CNTN4: variants seen among roughly 807,000 people sequenced by gnomAD.
CNTN4 encodes the protein contactin 4.
Under a neutral mutation model 122.5 loss-of-function variants are expected in CNTN4, and 77 were observed. The ratio of observed to expected loss-of-function variants is 0.63; its 90% CI spans 0.52 to 0.76. The LOEUF (loss-of-function observed/expected upper bound fraction) is 0.76, where lower values mean the gene tolerates loss of function less well. CNTN4 is among the 30% of genes least tolerant of loss of function. CNTN4 has a pLI of 0.00. For missense variants in CNTN4, 1,256 were observed against 1,259.1 expected, an observed-to-expected ratio of 1.00 and a Z score of 0.04; for synonymous variants, 512 against 447.0, an observed-to-expected ratio of 1.15 and a Z score of -1.83.
At chr3:2,807,882 C>T (rs1313751919) in intron 6 of CNTN4, among the ~76,000 whole-genome samples, 2 of 152,084 alleles carry the variant, frequency 1.3e-5, no homozygotes, top group East Asian at 3.9e-4. Context: ...GCAGTTTCCT[C>T]CCAAGCTTCT....
intron 12 of CNTN4, among the ~76,000 whole-genome samples, chr3:2,907,042 C>G (rs567492720): frequency 1.9e-4 from 29 of 152,222 alleles, no homozygotes; most frequent in African/African-American, 5.1e-4. Context: ...CGTAGAGTCT[C>G]TCTTAAGTGA....
intron 4 of CNTN4, among the ~76,000 whole-genome samples, chr3:2,706,743 T>G (rs1490857027): frequency 2.0e-5 from 3 of 152,134 alleles, no homozygotes; most frequent in Admixed American, 6.6e-5. Flanking sequence ...TTTAAAAATT[T>G]TGATAACAAA....
intron 2 of CNTN4, among the ~76,000 whole-genome samples, chr3:2,233,985 G>C (rs2039585394): frequency 1.3e-5 from 2 of 151,980 alleles, no homozygotes; most frequent in African/African-American, 4.8e-5. Context: ...GCTTCTTCAC[G>C]ATTCCAGCAA....
chr3:2,486,881 A>T (rs965186879), intron 3 of CNTN4, among the ~76,000 whole-genome samples: 1 of 152,212 alleles, frequency 6.6e-6, no homozygotes, highest in Non-Finnish European at 1.5e-5. Context: ...GTTTTCTCCA[A>T]ACTGTTTTTT....
At chr3:2,297,518 G>T (rs2042357449) in intron 2 of CNTN4, among the ~76,000 whole-genome samples, 1 of 152,070 alleles carries the variant, frequency 6.6e-6, no homozygotes, top group African/African-American at 2.4e-5. Flanking sequence ...ATATAAAATA[G>T]CAAATCCCAT....
At chr3:2,315,688 G>A (rs79983336) in intron 2 of CNTN4, among the ~76,000 whole-genome samples, 2,351 of 151,858 alleles carry the variant, frequency 0.015, 35 homozygotes, top group Non-Finnish European at 0.021. Flanking sequence ...AAATTTATGC[G>A]TCCTAGAATC....
intron 13 of CNTN4, among the ~76,000 whole-genome samples, chr3:2,967,694 A>G (rs73001354): frequency 0.031 from 4,718 of 152,190 alleles, 116 homozygotes; most frequent in Non-Finnish European, 0.046. Flanking sequence ...ATCATTTTTC[A>G]GAGGAAAAAA....
At chr3:2,576,028 G>T (rs1456247112) in intron 4 of CNTN4, among the ~76,000 whole-genome samples, 1 of 151,624 alleles carries the variant, frequency 6.6e-6, no homozygotes, top group Non-Finnish European at 1.5e-5. Flanking sequence ...GTAGAGACGG[G>T]GTTTCACCAT....
chr3:2,503,464 C>A (rs899226954), intron 3 of CNTN4, among the ~76,000 whole-genome samples: 2 of 152,022 alleles, frequency 1.3e-5, no homozygotes, highest in Non-Finnish European at 2.9e-5. Flanking sequence ...GCTTAGTGTG[C>A]CAGGCGTCTT....
intron 3 of CNTN4, among the ~76,000 whole-genome samples, chr3:2,535,505 A>T (rs1206343542): frequency 2.0e-5 from 3 of 152,044 alleles, no homozygotes; most frequent in Non-Finnish European, 2.9e-5. Context: ...TGAGATTTTC[A>T]TTGACGTCAA....
At chr3:2,212,951 C>G (rs1314674946) in intron 2 of CNTN4, among the ~76,000 whole-genome samples, 1 of 152,128 alleles carries the variant, frequency 6.6e-6, no homozygotes, top group Admixed American at 6.6e-5. Context: ...TCTTTGAGCT[C>G]ATCAGAGCGC....
At position 2,155,186 on chromosome 3, in the gene CNTN4, C is replaced by G. The variant is rs118134814; in HGVS notation, c.-145+54547C>G. Among the ~76,000 whole-genome samples, 4 of 152,236 alleles carry G rather than the reference C, an allele frequency of 2.6e-5. No individual in the cohort carries two copies. In the East Asian group the frequency reaches 5.8e-4, roughly 22 times the overall value. ...TATGTTCAGAAAGCTAATTTTAAAC[C>G]TAATTTTCCCATCTCTGTCTCTCTC... On this transcript the variant is annotated intron_variant, in intron 2 of 24. Transcript: ENST00000418658.
At chr3:2,336,644 C>T (rs991873026) in intron 2 of CNTN4, among the ~76,000 whole-genome samples, 1 of 152,038 alleles carries the variant, frequency 6.6e-6, no homozygotes, top group African/African-American at 2.4e-5. Context: ...TTGTTGAAAC[C>T]ATATGCCAGG....
intron 3 of CNTN4, among the ~76,000 whole-genome samples, chr3:2,559,001 A>G (rs1318906872): frequency 6.6e-6 from 1 of 152,248 alleles, no homozygotes; most frequent in Middle Eastern, 3.2e-3. Flanking sequence ...TCTGAGAACC[A>G]GTTAGTGTTT....
chr3:2,907,219 A>T lies in CNTN4; in HGVS notation c.1207+4214A>T, dbSNP rs1035883526. Among the ~76,000 whole-genome samples the T allele has an allele frequency of 5.9e-5, 9 of 152,340 alleles. 1 individual carries two copies. The highest frequency in any genetic ancestry group is 3.9e-4 in the East Asian group (2 of 5,182). On this transcript the variant is annotated intron_variant, in intron 12 of 24. Coordinates refer to ENST00000418658, the MANE Select transcript of CNTN4 (RefSeq NM_175607.3). The stretch of plus-strand genomic sequence containing the variant: ...ACTAAATTGTCATTACCTATGCTAG[A>T]ATCATGAGGATGCTGAATTGAACAA...
At chr3:2,554,705 C>A (rs550702719) in intron 3 of CNTN4, among the ~76,000 whole-genome samples, 2 of 152,130 alleles carry the variant, frequency 1.3e-5, no homozygotes, top group Non-Finnish European at 2.9e-5. Context: ...AATGAGCAAG[C>A]ATTGATGTGT....
intron 3 of CNTN4, among the ~76,000 whole-genome samples, chr3:2,467,221 A>G (rs542242611): frequency 8.0e-5 from 12 of 150,586 alleles, no homozygotes; most frequent in African/African-American, 2.9e-4. Context: ...TGAGATTCCT[A>G]AATTGGTGCA....
chr3:2,975,062 C>T (rs994454447), intron 13 of CNTN4, among the ~76,000 whole-genome samples: 2 of 152,066 alleles, frequency 1.3e-5, no homozygotes, highest in African/African-American at 4.8e-5. Flanking sequence ...AAGGAAGCTT[C>T]TGTGATTTCA....
intron 2 of CNTN4, among the ~76,000 whole-genome samples, chr3:2,244,135 GTTTAA>G (rs570496739): frequency 1.3e-3 from 196 of 151,966 alleles, no homozygotes; most frequent in African/African-American, 4.3e-3. Context: ...CTATGATAAA[GTTTAA>G]TTTATAAATT....
Sources: gnomAD v4.1 joint callset for allele counts (sites outside exome capture counted in the v4.1 genomes callset) on GRCh38, gnomAD v4.1.1 for gene constraint, MANE v1.5 for transcripts, NCBI Gene and HGNC (gene_info 2026-07-23, HGNC 2026-07-21) for gene names.